GALNT18: variants seen among roughly 807,000 people sequenced by gnomAD.
GALNT18 encodes the protein GalNAc-transferase 18.
A neutral mutation model predicts 69.5 loss-of-function variants in GALNT18; 44 were observed. The ratio of observed to expected loss-of-function variants is 0.63; its 90% CI spans 0.50 to 0.81. The LOEUF is 0.81. Among genes scored for constraint, GALNT18 ranks in the 40% least tolerant of loss-of-function variants. GALNT18 has a pLI of 0.00. For synonymous variants in GALNT18, 364 were observed against 318.2 expected, an observed-to-expected ratio of 1.14 and a Z score of -1.53; for missense variants, 715 against 810.0, an observed-to-expected ratio of 0.88 and a Z score of 1.42.
In GALNT18 at chr11:11,603,873, C is replaced by T. The variant is rs1859687809; in HGVS notation, c.235+17486G>A. ...TAACCACTTGCCATGATCTAAATGT[C>T]TGTATCCCTTCCCCAAATCCATATG... On this transcript the variant is annotated intron_variant, in intron 1 of 10. Transcript: ENST00000227756. This position sits in a 1 kb window ranked among gnomAD's most constrained non-coding sequence, Gnocchi z 4.5. Among the ~76,000 whole-genome samples the T allele has an allele frequency of 6.6e-6, 1 of 152,198 alleles. No individual in the cohort carries two copies. The highest frequency in any genetic ancestry group is 6.5e-5 in the Admixed American group (1 of 15,282).
chr11:11,482,679 G>A lies in GALNT18; in HGVS notation c.236-33743C>T, dbSNP rs148549082. Reference sequence around the variant, plus strand: ...AGAAACATGGCTACTGATTGCAAACGTGTTAAGAAGAAGAAAAAAGCAAAT... The same window carrying A: ...AGAAACATGGCTACTGATTGCAAACATGTTAAGAAGAAGAAAAAAGCAAAT... On this transcript the variant is annotated intron_variant, in intron 1 of 10. Coordinates refer to ENST00000227756, the MANE Select transcript of GALNT18 (RefSeq NM_198516.3). Among the ~76,000 whole-genome samples, 943 of 152,300 alleles carry A rather than the reference G, an allele frequency of 6.2e-3. 5 individuals carry two copies. Among genetic ancestry groups the A allele is most frequent in the Non-Finnish European group, 0.01 (712 of 68,026 alleles).
chr11:11,539,591 C>T lies in GALNT18; in HGVS notation c.235+81768G>A, dbSNP rs149315540. Among the ~76,000 whole-genome samples, 121 of 152,248 alleles carry T rather than the reference C, an allele frequency of 7.9e-4. 1 individual carries two copies. Among genetic ancestry groups the T allele is most frequent in the African/African-American group, 2.8e-3 (118 of 41,556 alleles). ...AGACCCCACTGTGAACATGAAAGAG[C>T]GAAACAATCATGATGTTGAATTGCT... On this transcript the variant is annotated intron_variant, in intron 1 of 10. Transcript: ENST00000227756.
rs993027990 is a variant in GALNT18 at position 11,454,585 on chromosome 11, C to T, written c.236-5649G>A. Among the ~76,000 whole-genome samples the T allele has an allele frequency of 1.3e-5, 2 of 152,044 alleles. No individual in the cohort carries two copies. Among genetic ancestry groups the T allele is most frequent in the Non-Finnish European group, 2.9e-5 (2 of 68,022 alleles). ...AGATTCCACTGAAGGGTCCAAACAT[C>T]CCTCTTCCCAGAAACCCAGGCACAA... is the stretch of plus-strand genomic sequence containing the variant. On this transcript the variant is annotated intron_variant, in intron 1 of 10. Coordinates refer to ENST00000227756, the MANE Select transcript of GALNT18 (RefSeq NM_198516.3). The surrounding 1 kb of genome is among the most constrained non-coding windows in gnomAD (Gnocchi z 4.2).
chr11:11,428,481 C>T (rs1224768418), intron 3 of GALNT18, among the ~76,000 whole-genome samples: 1 of 152,242 alleles, frequency 6.6e-6, no homozygotes, highest in Non-Finnish European at 1.5e-5. Context: ...CTGCGCTTGA[C>T]TCTGGGTACC....
chr11:11,330,401 C>A (rs1247932303), intron 8 of GALNT18, among the ~76,000 whole-genome samples: 1 of 152,214 alleles, frequency 6.6e-6, no homozygotes, highest in Non-Finnish European at 1.5e-5. Context: ...CCACTTTGCC[C>A]ATCTTCAGCC....
intron 6 of GALNT18, chr11:11,352,785 A>C (rs1292145132): frequency 6.2e-7 from 1 of 1,614,116 alleles, no homozygotes. Flanking sequence ...GTGTTCAAAA[A>C]CCAAGGCGGG....
In GALNT18 at chr11:11,454,957, C is replaced by T. The variant is rs79207289; in HGVS notation, c.236-6021G>A. Among the ~76,000 whole-genome samples, 1,987 of 152,306 alleles carry T rather than the reference C, an allele frequency of 0.013. 39 individuals carry two copies. The highest frequency in any genetic ancestry group is 0.043 in the African/African-American group (1,807 of 41,558). ...GCATGACATTTCTGACATTAACAGG[C>T]AAACAGGCTGACTCCTTCCTCATTG... On this transcript the variant is annotated intron_variant, in intron 1 of 10. Coordinates refer to ENST00000227756, the MANE Select transcript of GALNT18 (RefSeq NM_198516.3). The surrounding 1 kb of genome is among the most constrained non-coding windows in gnomAD (Gnocchi z 4.2).
intron 3 of GALNT18, among the ~76,000 whole-genome samples, chr11:11,394,093 A>G (rs551650369): frequency 1.3e-5 from 2 of 152,300 alleles, no homozygotes; most frequent in South Asian, 4.1e-4. Context: ...AATGCACTGA[A>G]ATATGTTCTA....
intron 2 of GALNT18, among the ~76,000 whole-genome samples, chr11:11,433,861 A>T (rs1179807520): frequency 1.3e-5 from 2 of 152,172 alleles, no homozygotes; most frequent in Non-Finnish European, 2.9e-5. Context: ...GCCCTGTCCC[A>T]GGCCCTGGGT....
chr11:11,317,244 G>A (rs1406164446), intron 9 of GALNT18, among the ~76,000 whole-genome samples: 5 of 152,156 alleles, frequency 3.3e-5, no homozygotes, highest in Non-Finnish European at 5.9e-5. Flanking sequence ...ATATCACAAC[G>A]ACAACAGAGT....
intron 1 of GALNT18, among the ~76,000 whole-genome samples, chr11:11,455,847 G>A (rs1397519507): frequency 1.3e-5 from 2 of 152,202 alleles, no homozygotes; most frequent in East Asian, 3.9e-4. Context: ...TCAGCACTTT[G>A]GGAGGCCAAG....
chr11:11,503,808 A>C (rs1053747517), intron 1 of GALNT18, among the ~76,000 whole-genome samples: 23 of 152,218 alleles, frequency 1.5e-4, no homozygotes, highest in Non-Finnish European at 5.9e-5. Flanking sequence ...AAAGTGCACC[A>C]AATACATGTG....
intron 1 of GALNT18, among the ~76,000 whole-genome samples, chr11:11,530,504 T>C (rs1443889274): frequency 8.5e-5 from 13 of 152,110 alleles, no homozygotes; most frequent in Admixed American, 7.9e-4. Flanking sequence ...TGATCTGGAG[T>C]GCATTTTTCA....
intron 1 of GALNT18, among the ~76,000 whole-genome samples, chr11:11,556,330 T>C (rs1858332283): frequency 6.6e-6 from 1 of 152,190 alleles, no homozygotes; most frequent in African/African-American, 2.4e-5. Flanking sequence ...CCCTTTGCCC[T>C]ATACCGGGCA....
rs1850154215 is a variant in GALNT18 at position 11,338,739 on chromosome 11, G to A, written c.1278+2080C>T. Among the ~76,000 whole-genome samples the A allele has an allele frequency of 6.6e-6, 1 of 152,156 alleles. No individual in the cohort carries two copies. The highest frequency in any genetic ancestry group is 2.4e-5 in the African/African-American group (1 of 41,446). On this transcript the variant is annotated intron_variant, in intron 7 of 10. Coordinates refer to ENST00000227756, the MANE Select transcript of GALNT18 (RefSeq NM_198516.3). This position sits in a 1 kb window ranked among gnomAD's most constrained non-coding sequence, Gnocchi z 5.3. ...AATTAGGAAGGCAGCATATGGGTGG[G>A]AGTCCAATGCAAGAGTAGATGATAT...
chr11:11,612,964 A>C (rs552171180), intron 1 of GALNT18, among the ~76,000 whole-genome samples: 1 of 152,328 alleles, frequency 6.6e-6, no homozygotes, highest in South Asian at 2.1e-4. Context: ...CAGTGGCTCC[A>C]TAAGGGAAGC....
At chr11:11,445,646 C>T (rs1011591938) in intron 2 of GALNT18, among the ~76,000 whole-genome samples, 25 of 152,212 alleles carry the variant, frequency 1.6e-4, no homozygotes, top group African/African-American at 6.0e-4. Context: ...CTAGACGGAG[C>T]CTTCCAAGTA....
At chr11:11,534,906 T>C (rs1004544084) in intron 1 of GALNT18, among the ~76,000 whole-genome samples, 1 of 152,362 alleles carries the variant, frequency 6.6e-6, no homozygotes, top group African/African-American at 2.4e-5. Flanking sequence ...AGTCTGCTCA[T>C]GTCCCCTGCA....
At chr11:11,443,919 G>T (rs1312894737) in intron 2 of GALNT18, among the ~76,000 whole-genome samples, 1 of 152,232 alleles carries the variant, frequency 6.6e-6, no homozygotes, top group Non-Finnish European at 1.5e-5. Flanking sequence ...GAGGAAGTTG[G>T]TCCCCTCTTT....
Sources: gnomAD v4.1 joint callset for allele counts (sites outside exome capture counted in the v4.1 genomes callset) on GRCh38, gnomAD v4.1.1 for gene constraint, Gnocchi (gnomAD v3.1) non-coding constraint, MANE v1.5 for transcripts, NCBI Gene and HGNC (gene_info 2026-07-23, HGNC 2026-07-21) for gene names.